The following PLD5 variants were observed in gnomAD, a reference collection of about 807,000 sequenced individuals.
The protein encoded by PLD5 is phospholipase D family member 5.
In PLD5, 36 loss-of-function variants were observed where a neutral mutation model predicts 61.1. That is an observed-to-expected ratio of 0.59 (90% CI 0.45 to 0.78). PLD5 has a LOEUF of 0.78. Ranked by LOEUF, PLD5 falls within the 30% of genes least tolerant of loss-of-function variation. The pLI, the probability that PLD5 is intolerant of heterozygous loss-of-function variation, is 0.00. For missense variants in PLD5, 515 were observed against 644.4 expected (o/e 0.80, Z 2.17); for synonymous variants, 243 against 242.8 (o/e 1.00, Z -0.01).
intron 9 of PLD5, among the ~76,000 whole-genome samples, chr1:242,092,607 T>A (rs537367214): frequency 1.3e-5 from 2 of 152,262 alleles, no homozygotes; most frequent in African/African-American, 4.8e-5. Context: ...GTGGAGATAT[T>A]GGCCTTCCGT....
intron 1 of PLD5, among the ~76,000 whole-genome samples, chr1:242,429,532 C>A (rs1460976170): frequency 6.6e-6 from 1 of 152,202 alleles, no homozygotes; most frequent in Non-Finnish European, 1.5e-5. Context: ...CAGGCATGAG[C>A]CACAACACCC....
intron 9 of PLD5, among the ~76,000 whole-genome samples, chr1:242,096,045 G>A (rs903194974): frequency 2.0e-5 from 3 of 151,342 alleles, no homozygotes; most frequent in Non-Finnish European, 2.9e-5. Context: ...TGCAAGCTCC[G>A]CCTCCCGAGT....
chr1:242,338,300 T>C (rs1380579847), intron 2 of PLD5, among the ~76,000 whole-genome samples: 3 of 152,184 alleles, frequency 2.0e-5, no homozygotes, highest in Non-Finnish European at 2.9e-5. Context: ...CAGGTTCAGG[T>C]TGGGCTCTTA....
chr1:242,314,852 T>C (rs1428361444), intron 2 of PLD5, among the ~76,000 whole-genome samples: 1 of 152,120 alleles, frequency 6.6e-6, no homozygotes, highest in African/African-American at 2.4e-5. Flanking sequence ...GTGGAGGCTT[T>C]GTTAGCCCCT....
chr1:242,445,271 C>T (rs1666477070), intron 1 of PLD5, among the ~76,000 whole-genome samples: 1 of 152,198 alleles, frequency 6.6e-6, no homozygotes, highest in African/African-American at 2.4e-5. Context: ...AGTTGGCCCT[C>T]ACCAGACACC....
chr1:242,470,382 A>G lies in PLD5; in HGVS notation c.189+53706T>C, dbSNP rs548572386. Reference sequence around the variant, plus strand: ...AGAAAGAAAGAAAGAAAGAAAGAAAAAAAAGAAAGAAAGAAAATTGGGAAA... The same window carrying G: ...AGAAAGAAAGAAAGAAAGAAAGAAAGAAAAGAAAGAAAGAAAATTGGGAAA... On this transcript the variant is annotated intron_variant, in intron 1 of 9. Transcript: ENST00000536534. Among the ~76,000 whole-genome samples the G allele has an allele frequency of 3.1e-3, 228 of 73,512 alleles. 1 individual carries two copies. The highest frequency in any genetic ancestry group is 0.012 in the African/African-American group (206 of 17,128). The allele number at this position is 73,512 out of a possible 152,430, so 48.2% of individuals were successfully genotyped here.
At chr1:242,341,933 C>T (rs565611572) in intron 2 of PLD5, among the ~76,000 whole-genome samples, 28 of 150,326 alleles carry the variant, frequency 1.9e-4, no homozygotes, top group African/African-American at 2.7e-4. Flanking sequence ...CACCCAGGCA[C>T]GGGGGCTGAT....
chr1:242,133,896 TCTTGCAGTA>T (rs1285361711), intron 5 of PLD5, among the ~76,000 whole-genome samples: 1 of 152,248 alleles, frequency 6.6e-6, no homozygotes, highest in Admixed American at 6.5e-5. Context: ...ATCAGTTATT[TCTTGCAGTA>T]CTTTAATTTC....
chr1:242,417,575 A>T (rs1025983098), intron 1 of PLD5, among the ~76,000 whole-genome samples: 7 of 152,390 alleles, frequency 4.6e-5, no homozygotes, highest in African/African-American at 1.7e-4. Context: ...CACAAGGAGC[A>T]GTACCTATGC....
At chr1:242,157,673 C>T (rs1162601538) in intron 5 of PLD5, among the ~76,000 whole-genome samples, 1 of 152,178 alleles carries the variant, frequency 6.6e-6, no homozygotes, top group African/African-American at 2.4e-5. Context: ...GGCTGCAGAA[C>T]AGCAAAGATT....
At chr1:242,238,167 T>G (rs1671761135) in intron 4 of PLD5, among the ~76,000 whole-genome samples, 1 of 152,152 alleles carries the variant, frequency 6.6e-6, no homozygotes, top group African/African-American at 2.4e-5. Context: ...GGTGAAGAAC[T>G]TTGTGAGGTA....
intron 1 of PLD5, among the ~76,000 whole-genome samples, chr1:242,366,110 C>A (rs940482711): frequency 1.3e-5 from 2 of 152,228 alleles, no homozygotes; most frequent in East Asian, 3.9e-4. Context: ...TATATTGATA[C>A]AAGAAGCAGA....
At chr1:242,506,060 T>C (rs186374321) in intron 1 of PLD5, among the ~76,000 whole-genome samples, 1 of 152,184 alleles carries the variant, frequency 6.6e-6, no homozygotes, top group African/African-American at 2.4e-5. Context: ...GTACTAAGAG[T>C]TCTGATACAT....
intron 4 of PLD5, among the ~76,000 whole-genome samples, chr1:242,259,248 G>A (rs1377766741): frequency 1.3e-5 from 2 of 151,202 alleles, no homozygotes; most frequent in South Asian, 4.2e-4. Flanking sequence ...GTTCAAAGCT[G>A]CAGTGAGCTA....
chr1:242,320,202 T>C (rs1658297307), intron 2 of PLD5, among the ~76,000 whole-genome samples: 1 of 152,250 alleles, frequency 6.6e-6, no homozygotes, highest in Admixed American at 6.5e-5. Context: ...CATCCATTTA[T>C]TGACGGTATT....
chr1:242,529,778 T>TCTTCCTCCCTTCCTTCCTTCCTTCCTTC, the PLD5 span, among the ~76,000 whole-genome samples: 6 of 129,792 alleles, frequency 4.6e-5, no homozygotes, highest in African/African-American at 1.8e-4. Flanking sequence ...GGCACTGGGA[T>TCTTCCTCCCTTCCTTCCTTCCTTCCTTC]CTTCCTTCCT....
chr1:242,394,183 A>AGTATATATATGTGTATATATGT (rs1558525455), intron 1 of PLD5, among the ~76,000 whole-genome samples: 4 of 51,906 alleles, frequency 7.7e-5, no homozygotes, highest in African/African-American at 4.2e-4. Context: ...TGTATATATG[A>AGTATATATATGTGTATATATGT]GTATATATGA....
chr1:242,344,398 C>T (rs1206322457), intron 2 of PLD5, among the ~76,000 whole-genome samples: 2 of 152,136 alleles, frequency 1.3e-5, no homozygotes, highest in Non-Finnish European at 2.9e-5. Flanking sequence ...TGGCAGCAAG[C>T]TCTAACTAAA....
rs190157104 is a variant in PLD5, at chr1:242,412,592, C to T, written c.190-64350G>A. On this transcript the variant is annotated intron_variant, in intron 1 of 9. Transcript: ENST00000536534. ...GTACAGTACGTAACCTTTGGGGATTCGCTTTTTTCTCTCAGCATCATTCCC... is the reference window on the plus strand; with the variant it reads ...GTACAGTACGTAACCTTTGGGGATTTGCTTTTTTCTCTCAGCATCATTCCC... 6.6e-5 allele frequency among the ~76,000 whole-genome samples: 10 copies of T among 152,222 alleles called. No individual in the cohort carries two copies. In the East Asian group the frequency reaches 7.7e-4, roughly 12 times the overall value.
Sources: gnomAD v4.1 joint callset for allele counts (sites outside exome capture counted in the v4.1 genomes callset) on GRCh38, gnomAD v4.1.1 for gene constraint, MANE v1.5 for transcripts, NCBI Gene and HGNC (gene_info 2026-07-23, HGNC 2026-07-21) for gene names.